Variants in MAK observed in about 807,000 individuals in gnomAD.
MAK encodes the protein serine/threonine-protein kinase MAK.
In MAK, 65 loss-of-function variants were observed where a neutral mutation model predicts 82.6. That is an observed-to-expected ratio of 0.79 (90% CI 0.64 to 0.97). MAK has a LOEUF of 0.97. Ranked by LOEUF, MAK falls within the 50% of genes least tolerant of loss-of-function variation. The pLI, the probability that MAK is intolerant of heterozygous loss-of-function variation, is 0.00. For synonymous variants in MAK, 250 were observed against 274.2 expected (o/e 0.91, Z 0.87); for missense variants, 703 against 780.2 (o/e 0.90, Z 1.18).
At chr6:10,813,435 G>A (rs922527495) in intron 5 of MAK, among the ~76,000 whole-genome samples, 13 of 151,148 alleles carry the variant, frequency 8.6e-5, no homozygotes, top group Middle Eastern at 3.2e-3. Flanking sequence ...GATTACACAC[G>A]TGAGCCACCG....
At chr6:10,779,218 G>A (rs1198066286) in intron 11 of MAK, 18 of 447,924 alleles carry the variant, frequency 4.0e-5, no homozygotes, top group South Asian at 1.9e-4. Context: ...CCAGAGTCCC[G>A]GCTCTAGGAG....
chr6:10,824,686 C>G (rs142691729), intron 2 of MAK, among the ~76,000 whole-genome samples: 197 of 152,236 alleles, frequency 1.3e-3, no homozygotes, highest in African/African-American at 4.2e-3. Flanking sequence ...TAATTTCAGG[C>G]GGACTCTTCC....
intron 8 of MAK, among the ~76,000 whole-genome samples, chr6:10,796,883 G>C (rs1775613817): frequency 6.6e-6 from 1 of 151,560 alleles, no homozygotes; most frequent in African/African-American, 2.4e-5. Flanking sequence ...CAAAACAGCT[G>C]TTCTATTTAT....
At chr6:10,779,127 CAAAAA>C (rs918122203) in intron 11 of MAK, among the ~76,000 whole-genome samples, 6 of 20,004 alleles carry the variant, frequency 3.0e-4, no homozygotes, top group African/African-American at 9.4e-4. Flanking sequence ...CACTTCGTCT[CAAAAA>C]AAAAAAAAAA....
intron 7 of MAK, among the ~76,000 whole-genome samples, chr6:10,802,865 AG>A (rs1776124302): frequency 6.6e-6 from 1 of 152,262 alleles, no homozygotes; most frequent in Non-Finnish European, 1.5e-5. Flanking sequence ...TAATTTAATT[AG>A]GATGTCATTA....
chr6:10,824,194 C>T (rs1778181631), intron 2 of MAK, among the ~76,000 whole-genome samples: 3 of 152,176 alleles, frequency 2.0e-5, no homozygotes, highest in Admixed American at 2.0e-4. Context: ...ACTGATAACC[C>T]TGCCAGTAGC....
intron 14 of MAK, 59 bp from the exon 15 acceptor site, chr6:10,764,665 TAAAG>T (rs964787774): frequency 4.0e-5 from 58 of 1,460,084 alleles, no homozygotes; most frequent in South Asian, 2.5e-4. Flanking sequence ...AAACTCAAAA[TAAAG>T]AAATTCATCC....
At chr6:10,813,489 TAA>T (rs1777224351) in intron 5 of MAK, among the ~76,000 whole-genome samples, 153 bp downstream of exon 5, 1 of 151,828 alleles carries the variant, frequency 6.6e-6, no homozygotes, top group African/African-American at 2.4e-5. Flanking sequence ...CAGAAATTGA[TAA>T]AGTTTTTAAA....
chr6:10,823,998 CAAA>C (rs5874290), intron 2 of MAK, among the ~76,000 whole-genome samples: 1 of 146,908 alleles, frequency 6.8e-6, no homozygotes, highest in African/African-American at 2.5e-5. Flanking sequence ...TGGTAACAAA[CAAA>C]AAAAAAAAAT....
intron 2 of MAK, among the ~76,000 whole-genome samples, chr6:10,828,386 T>C (rs1003476243): frequency 6.6e-6 from 1 of 152,144 alleles, no homozygotes; most frequent in Non-Finnish European, 1.5e-5. Flanking sequence ...GAGGTGCCTC[T>C]TGCCAACAGC....
chr6:10,770,776 T>C (rs1772936069), intron 13 of MAK, among the ~76,000 whole-genome samples: 1 of 152,254 alleles, frequency 6.6e-6, no homozygotes, highest in Middle Eastern at 3.4e-3. Flanking sequence ...TCATCATCAC[T>C]ATTGGTGAAT....
In MAK at chr6:10,793,146, G is replaced by A. The variant is rs1034027048; in HGVS notation, c.1144-1299C>T. On this transcript the variant is annotated intron_variant, in intron 9 of 14. Coordinates refer to ENST00000354489, the MANE Select transcript of MAK (RefSeq NM_001242957.3). This position sits in a 1 kb window ranked among gnomAD's most constrained non-coding sequence, Gnocchi z 4.6. ...AGATTCTAAAATCAATTATTAAAGG[G>A]GATGTTTGTGAGCACTAAGGAAAAA... 1.3e-5 allele frequency among the ~76,000 whole-genome samples: 2 copies of A among 152,136 alleles called. No homozygotes were observed. Among genetic ancestry groups the A allele is most frequent in the African/African-American group, 4.8e-5 (2 of 41,418 alleles).
intron 5 of MAK, among the ~76,000 whole-genome samples, chr6:10,813,110 A>T (rs1389387240): frequency 0.028 from 37 of 1,334 alleles, 1 homozygote; most frequent in South Asian, 0.083. Context: ...ATATATATAT[A>T]TATATATATA....
At chr6:10,789,525 A>G (rs1774896390) in intron 10 of MAK, among the ~76,000 whole-genome samples, 1 of 152,214 alleles carries the variant, frequency 6.6e-6, no homozygotes, top group Admixed American at 6.5e-5. Flanking sequence ...TCCTATATGT[A>G]TGTGCATAGA....
In MAK at chr6:10,793,990, C is replaced by A. The variant is rs959450675; in HGVS notation, c.1143+2008G>T. Among the ~76,000 whole-genome samples the A allele has an allele frequency of 2.0e-5, 3 of 152,106 alleles. No homozygotes were observed. The highest frequency in any genetic ancestry group is 4.8e-5 in the African/African-American group (2 of 41,424). ...ATGAGAGGGGACTTAAAGACACATT[C>A]ATAATAGGAACTGAGAGTTATCAGT... is the stretch of plus-strand genomic sequence containing the variant. On this transcript the variant is annotated intron_variant, in intron 9 of 14. Transcript: ENST00000354489. The surrounding 1 kb of genome is among the most constrained non-coding windows in gnomAD (Gnocchi z 4.6).
chr6:10,794,223 A>G (rs1488709662), intron 9 of MAK, among the ~76,000 whole-genome samples: 1 of 152,188 alleles, frequency 6.6e-6, no homozygotes, highest in African/African-American at 2.4e-5. Flanking sequence ...TCCAAAGATA[A>G]AAGTGGACTC....
intron 12 of MAK, 124 bp from the exon 13 acceptor site, chr6:10,773,232 G>A (rs75343246): frequency 6.5e-5 from 33 of 510,604 alleles, no homozygotes; most frequent in Non-Finnish European, 1.0e-4. Flanking sequence ...ATGCAAAAAT[G>A]TCCCCATTGT....
At position 10,817,894 on chromosome 6, in the gene MAK, TATAAA is replaced by T. The variant is rs781376741; in HGVS notation, c.229_233del (p.Phe77IlefsTer2). 3 of 1,436,046 alleles carry T rather than the reference TATAAA, an allele frequency of 2.1e-6. No individual in the cohort carries two copies. Among genetic ancestry groups the T allele is most frequent in the South Asian group, 2.3e-5 (2 of 86,394 alleles). The allele number at this position is 1,436,046 out of a possible 1,614,324, so 89.0% of individuals were successfully genotyped here. On this transcript the variant is annotated frameshift_variant, in exon 4 of 15. Coordinates refer to ENST00000354489, the MANE Select transcript of MAK (RefSeq NM_001242957.3). LOFTEE classifies it high-confidence loss of function. ...AGAGGTTTTCTTTCATATATTCAAA[TATAAA>T]ATAAAGATGGTCATTTTCTCTGATA...
At chr6:10,818,340 G>A (rs747128953) in intron 3 of MAK, among the ~76,000 whole-genome samples, 36 of 152,320 alleles carry the variant, frequency 2.4e-4, no homozygotes, top group Non-Finnish European at 4.3e-4. Context: ...GTGGCTGAGC[G>A]TGGTGGCTCT....
Sources: gnomAD v4.1 joint callset for allele counts (sites outside exome capture counted in the v4.1 genomes callset) on GRCh38, gnomAD v4.1.1 for gene constraint, Gnocchi (gnomAD v3.1) non-coding constraint, MANE v1.5 for transcripts, NCBI Gene and HGNC (gene_info 2026-07-23, HGNC 2026-07-21) for gene names.